DPP10: variants seen among roughly 807,000 people sequenced by gnomAD.
The protein encoded by DPP10 is inactive dipeptidyl peptidase 10.
A neutral mutation model predicts 120.9 loss-of-function variants in DPP10; 33 were observed. The ratio of observed to expected loss-of-function variants is 0.27; its 90% CI spans 0.21 to 0.37. DPP10 has a LOEUF of 0.37. Among genes scored for constraint, DPP10 ranks in the 10% least tolerant of loss-of-function variants. The probability of loss-of-function intolerance (pLI) is 1.00; values close to 1 mark genes in which losing one functional copy is unlikely to be tolerated. For missense variants in DPP10, 816 were observed against 942.8 expected, an observed-to-expected ratio of 0.87 and a Z score of 1.76; for synonymous variants, 337 against 326.1, an observed-to-expected ratio of 1.03 and a Z score of -0.36.
At chr2:115,828,269 C>T (rs960622320) in intron 21 of DPP10, among the ~76,000 whole-genome samples, 15 of 151,920 alleles carry the variant, frequency 9.9e-5, no homozygotes, top group Middle Eastern at 3.4e-3. Context: ...CTGTATACAA[C>T]GCATCTTTTC....
At chr2:115,292,919 G>C (rs928326442) in intron 1 of DPP10, among the ~76,000 whole-genome samples, 1 of 152,104 alleles carries the variant, frequency 6.6e-6, no homozygotes, top group Non-Finnish European at 1.5e-5. Flanking sequence ...GCCAAGGTCA[G>C]GCTATCACTC....
At chr2:115,284,740 C>T (rs1173993933) in intron 1 of DPP10, among the ~76,000 whole-genome samples, 1 of 151,780 alleles carries the variant, frequency 6.6e-6, no homozygotes, top group Non-Finnish European at 1.5e-5. Flanking sequence ...TCTAGGATAC[C>T]ATGCAGAAGA....
chr2:114,548,826 T>C (rs1401170286), intron 1 of DPP10, among the ~76,000 whole-genome samples: 2 of 151,986 alleles, frequency 1.3e-5, no homozygotes, highest in Non-Finnish European at 2.9e-5. Flanking sequence ...GAAGAAAAAA[T>C]TGAACTCGTT....
intron 1 of DPP10, among the ~76,000 whole-genome samples, chr2:114,886,814 A>C (rs1447752730): frequency 6.6e-6 from 1 of 152,112 alleles, no homozygotes; most frequent in African/African-American, 2.4e-5. Context: ...GGCTGTACTC[A>C]CAGGGGCTAC....
intron 5 of DPP10, among the ~76,000 whole-genome samples, chr2:115,611,201 T>A (rs6722189): frequency 0.99 from 150,455 of 152,328 alleles, 74,334 homozygotes; most frequent in East Asian, 1. Flanking sequence ...TAAAATGATT[T>A]TAGAAAATAG....
At chr2:114,959,915 T>C (rs1474725835) in intron 1 of DPP10, among the ~76,000 whole-genome samples, 2 of 152,230 alleles carry the variant, frequency 1.3e-5, no homozygotes, top group Non-Finnish European at 2.9e-5. Context: ...TTAATTGGGC[T>C]ATTTATTTTT....
chr2:114,936,224 G>A (rs1046564379), intron 1 of DPP10, among the ~76,000 whole-genome samples: 11 of 152,038 alleles, frequency 7.2e-5, no homozygotes, highest in Non-Finnish European at 1.6e-4. Context: ...CACTTTAAGA[G>A]TGAGAATGTA....
At chr2:114,608,771 A>C (rs1573781536) in intron 1 of DPP10, among the ~76,000 whole-genome samples, 1 of 152,078 alleles carries the variant, frequency 6.6e-6, no homozygotes, top group Non-Finnish European at 1.5e-5. Context: ...CATTATCCTC[A>C]GCAAATTAAC....
At chr2:115,226,684 GTTTAT>G (rs964289169) in intron 1 of DPP10, among the ~76,000 whole-genome samples, 14 of 152,240 alleles carry the variant, frequency 9.2e-5, no homozygotes, top group Admixed American at 6.5e-4. Flanking sequence ...TTAGTAAAAT[GTTTAT>G]TTTGACTACT....
intron 12 of DPP10, 39 bp from the exon 13 acceptor site, chr2:115,768,258 T>C: frequency 1.3e-6 from 2 of 1,580,382 alleles, no homozygotes; most frequent in Non-Finnish European, 1.7e-6. Flanking sequence ...AGATTGCATG[T>C]GCCTTTCTGA....
Position 115,041,702 on chromosome 2 carries a change from C to A in DPP10, c.61-267537C>A, listed in dbSNP as rs151294033. 1.7e-4 allele frequency among the ~76,000 whole-genome samples: 26 copies of A among 152,220 alleles called. No individual in the cohort carries two copies. The East Asian group carries it at 3.9e-3, about 23-fold the overall frequency. ...CACAGTATATCTTTCTAGGTCACAC[C>A]CTTGCTGCCTCAAGAATTTTAACAA... On this transcript the variant is annotated intron_variant, in intron 1 of 25. Coordinates refer to ENST00000410059, the MANE Select transcript of DPP10 (RefSeq NM_020868.6).
intron 8 of DPP10, among the ~76,000 whole-genome samples, chr2:115,737,200 G>A (rs1259093117): frequency 6.6e-6 from 1 of 152,144 alleles, no homozygotes; most frequent in Non-Finnish European, 1.5e-5. Context: ...ATGCTTTGTG[G>A]CACAGATGTG....
intron 1 of DPP10, among the ~76,000 whole-genome samples, chr2:114,699,480 A>G (rs560662002): frequency 5.3e-5 from 8 of 152,266 alleles, no homozygotes; most frequent in Non-Finnish European, 1.0e-4. Context: ...CTGTTATGGT[A>G]GAAGGAAGCT....
intron 1 of DPP10, among the ~76,000 whole-genome samples, chr2:115,291,849 T>A (rs945908929): frequency 2.6e-5 from 4 of 152,166 alleles, no homozygotes; most frequent in African/African-American, 9.6e-5. Flanking sequence ...TCCATAGCAC[T>A]GTGCCACCAC....
chr2:114,495,234 T>TGCTA (rs1330569908), intron 1 of DPP10, among the ~76,000 whole-genome samples: 2 of 152,166 alleles, frequency 1.3e-5, no homozygotes, highest in African/African-American at 4.8e-5. Context: ...GCCTGTGCAG[T>TGCTA]GCTAGTATTT....
At position 115,430,199 on chromosome 2, in the gene DPP10, G is replaced by A. The variant is rs145838256; in HGVS notation, c.272-69311G>A. Among the ~76,000 whole-genome samples the A allele has an allele frequency of 7.9e-5, 12 of 152,246 alleles. No individual in the cohort carries two copies. The East Asian group carries it at 2.3e-3, about 29-fold the overall frequency. ...GATGAAATTAATTGTCACACAAATT[G>A]ATGTTTGCTATTAATATTTAGCTTT... is the stretch of plus-strand genomic sequence containing the variant. On this transcript the variant is annotated intron_variant, in intron 3 of 25. Coordinates refer to ENST00000410059, the MANE Select transcript of DPP10 (RefSeq NM_020868.6).
intron 1 of DPP10, among the ~76,000 whole-genome samples, chr2:115,229,618 G>T (rs2057630043): frequency 6.6e-6 from 1 of 151,876 alleles, no homozygotes; most frequent in Non-Finnish European, 1.5e-5. Flanking sequence ...ATCATTTATT[G>T]AAGAGATTGT....
intron 1 of DPP10, among the ~76,000 whole-genome samples, chr2:115,279,864 G>A (rs1403012234): frequency 6.6e-6 from 1 of 151,680 alleles, no homozygotes; most frequent in Non-Finnish European, 1.5e-5. Flanking sequence ...GTTTCACCAT[G>A]TTGACCAGGC....
At chr2:115,245,413 T>C (rs1461644477) in intron 1 of DPP10, among the ~76,000 whole-genome samples, 1 of 151,890 alleles carries the variant, frequency 6.6e-6, no homozygotes, top group East Asian at 1.9e-4. Context: ...GAAATGCGAA[T>C]TAAAACTAAT....
Sources: gnomAD v4.1 joint callset for allele counts (sites outside exome capture counted in the v4.1 genomes callset) on GRCh38, gnomAD v4.1.1 for gene constraint, MANE v1.5 for transcripts, NCBI Gene and HGNC (gene_info 2026-07-23, HGNC 2026-07-21) for gene names.